The following ZNF148 variants were observed in gnomAD, a reference collection of about 807,000 sequenced individuals.
ZNF148 encodes the protein zinc finger protein 148, also known as Beta-Enolase Repressor Factor-1.
In ZNF148, 7 loss-of-function variants were observed where a neutral mutation model predicts 67.7. That is an observed-to-expected ratio of 0.10 (90% CI 0.06 to 0.19). The LOEUF (loss-of-function observed/expected upper bound fraction) is 0.19, where lower values mean the gene tolerates loss of function less well. Among genes scored for constraint, ZNF148 ranks in the 10% least tolerant of loss-of-function variants. The probability of loss-of-function intolerance (pLI) is 1.00; values close to 1 mark genes in which losing one functional copy is unlikely to be tolerated. For missense variants in ZNF148, 583 were observed against 947.1 expected (o/e 0.62, Z 5.05); for synonymous variants, 333 against 330.7 (o/e 1.01, Z -0.08).
chr3:125,307,693 G>A lies in ZNF148; in HGVS notation c.333+5615C>T, dbSNP rs1939960100. On this transcript the variant is annotated intron_variant, in intron 4 of 8. Coordinates refer to ENST00000360647, the MANE Select transcript of ZNF148 (RefSeq NM_021964.3). Reference sequence around the variant, plus strand: ...ACAGTCTCACTCTGTCACCCAGGCTGGAGTACAATGGTGTGATCTTGGCTC... The same window carrying A: ...ACAGTCTCACTCTGTCACCCAGGCTAGAGTACAATGGTGTGATCTTGGCTC... 2.6e-5 allele frequency among the ~76,000 whole-genome samples: 4 copies of A among 152,180 alleles called. No individual in the cohort carries two copies. In the Middle Eastern group the frequency reaches 0.014, roughly 518 times the overall value.
chr3:125,325,685 G>A (rs1271484549), intron 2 of ZNF148, among the ~76,000 whole-genome samples: 2 of 151,988 alleles, frequency 1.3e-5, no homozygotes, highest in Non-Finnish European at 2.9e-5. Flanking sequence ...AGCTGGTCTC[G>A]AACTCCTGAC....
chr3:125,364,844 G>T lies in ZNF148; in HGVS notation c.-234+10258C>A, dbSNP rs541417319. On this transcript the variant is annotated intron_variant, in intron 1 of 8. Transcript: ENST00000360647. The stretch of plus-strand genomic sequence containing the variant: ...AAAATCCAAGTTAGCCTGAATTTTT[G>T]AGATAGTCTGCCTACTTCCCAGCTT... Among the ~76,000 whole-genome samples, 8 of 152,192 alleles carry T rather than the reference G, an allele frequency of 5.3e-5. 1 individual carries two copies. In the South Asian group the frequency reaches 1.7e-3, roughly 32 times the overall value.
chr3:125,320,641 CA>C (rs1056332240), intron 3 of ZNF148, among the ~76,000 whole-genome samples: 2 of 152,126 alleles, frequency 1.3e-5, no homozygotes, highest in African/African-American at 4.8e-5. Flanking sequence ...GAGTAATTCC[CA>C]ACTTAAAATA....
At position 125,277,828 on chromosome 3, in the gene ZNF148, C is replaced by A; in HGVS notation, c.584-19G>T. The A allele has an allele frequency of 6.3e-7, 1 of 1,593,162 alleles. No homozygotes were observed. Among genetic ancestry groups the A allele is most frequent in the Middle Eastern group, 1.7e-4 (1 of 5,934 alleles). On this transcript the variant is annotated intron_variant, in intron 6 of 8. Transcript: ENST00000360647. ...TTTTCACCTTAAAATAATTTCACAT[C>A]CACAAATTAGTTACTGAATAAAACA...
At chr3:125,366,674 G>A (rs969650203) in intron 1 of ZNF148, among the ~76,000 whole-genome samples, 1 of 152,110 alleles carries the variant, frequency 6.6e-6, no homozygotes, top group South Asian at 2.1e-4. Context: ...ATAGAAGTGT[G>A]ACATGTATTT....
chr3:125,328,214 G>A (rs1468705245), intron 2 of ZNF148, among the ~76,000 whole-genome samples: 1 of 152,078 alleles, frequency 6.6e-6, no homozygotes, highest in Admixed American at 6.5e-5. Context: ...AACCTGGAGC[G>A]AAAAGTGAGC....
chr3:125,343,226 C>T (rs928355480), intron 1 of ZNF148, among the ~76,000 whole-genome samples: 1 of 152,096 alleles, frequency 6.6e-6, no homozygotes, highest in Non-Finnish European at 1.5e-5. Context: ...CTTTTCCTAC[C>T]ATTGACGTGT....
intron 7 of ZNF148, among the ~76,000 whole-genome samples, chr3:125,260,001 TG>T (rs2107569832): frequency 6.6e-6 from 1 of 152,090 alleles, no homozygotes; most frequent in Admixed American, 6.5e-5. Flanking sequence ...TCTCAGGAAA[TG>T]GGGTCACAGT....
chr3:125,260,598 T>C lies in ZNF148; in HGVS notation c.667+17128A>G, dbSNP rs578200128. ...ACAAAAATCTTATCAGTGTTTGTCA[T>C]GGGGTGTTGGTAGGAGAGGGGCTCA... On this transcript the variant is annotated intron_variant, in intron 7 of 8. Transcript: ENST00000360647. Among the ~76,000 whole-genome samples, 30 of 152,276 alleles carry C rather than the reference T, an allele frequency of 2.0e-4. 1 individual carries two copies. The South Asian group carries it at 5.0e-3, about 25-fold the overall frequency.
intron 4 of ZNF148, among the ~76,000 whole-genome samples, chr3:125,290,883 T>C (rs1938973397): frequency 6.6e-6 from 1 of 152,174 alleles, no homozygotes; most frequent in African/African-American, 2.4e-5. Flanking sequence ...GCATCAGGCT[T>C]TGGGGATGAA....
At chr3:125,341,998 GC>G (rs1330365885) in intron 1 of ZNF148, among the ~76,000 whole-genome samples, 340 of 18,038 alleles carry the variant, frequency 0.019, 5 homozygotes, top group Admixed American at 0.078. Context: ...CTGTTTCGGG[GC>G]GGGGGGGGGA....
At chr3:125,317,390 C>T (rs1940551780) in intron 3 of ZNF148, among the ~76,000 whole-genome samples, 1 of 151,926 alleles carries the variant, frequency 6.6e-6, no homozygotes, top group Non-Finnish European at 1.5e-5. Context: ...CAGTATACAA[C>T]CTTATGGGTT....
chr3:125,374,281 C>G (rs1021044539), intron 1 of ZNF148, among the ~76,000 whole-genome samples: 1 of 152,182 alleles, frequency 6.6e-6, no homozygotes, highest in Non-Finnish European at 1.5e-5. Context: ...CATCCCGGCC[C>G]ATCTGGAATA....
intron 5 of ZNF148, among the ~76,000 whole-genome samples, chr3:125,285,736 A>C (rs1173578752): frequency 1.3e-5 from 2 of 152,012 alleles, no homozygotes; most frequent in East Asian, 1.9e-4. Flanking sequence ...TATTGTTTCT[A>C]GTCACTTCAT....
At chr3:125,317,834 T>C (rs547513771) in intron 3 of ZNF148, among the ~76,000 whole-genome samples, 6 of 151,932 alleles carry the variant, frequency 3.9e-5, no homozygotes, top group African/African-American at 1.4e-4. Flanking sequence ...CAACATCTTT[T>C]CTTTCTTTAA....
At chr3:125,325,288 A>C (rs1045301071) in intron 2 of ZNF148, among the ~76,000 whole-genome samples, 26 of 152,300 alleles carry the variant, frequency 1.7e-4, no homozygotes, top group African/African-American at 5.8e-4. Flanking sequence ...CCTTTAAGAT[A>C]CATCAATAGA....
chr3:125,317,662 T>TAGAGAGGGAGAGAGAGAGAG, intron 3 of ZNF148, among the ~76,000 whole-genome samples: 2 of 90,052 alleles, frequency 2.2e-5, no homozygotes, highest in South Asian at 7.7e-4. Flanking sequence ...TATATATATA[T>TAGAGAGGGAGAGAGAGAGAG]AGAGAGAGAG....
At chr3:125,256,156 G>A (rs1937064988) in intron 7 of ZNF148, among the ~76,000 whole-genome samples, 1 of 151,826 alleles carries the variant, frequency 6.6e-6, no homozygotes, top group Non-Finnish European at 1.5e-5. Flanking sequence ...GAGGTCAGGA[G>A]ATCGAGCCCA....
intron 7 of ZNF148, among the ~76,000 whole-genome samples, chr3:125,237,290 G>C (rs1419861401): frequency 2.0e-5 from 3 of 152,156 alleles, no homozygotes; most frequent in Non-Finnish European, 2.9e-5. Context: ...TTTTGAAATA[G>C]AGCTGGTAAA....
Sources: allele counts gnomAD v4.1 joint callset (sites outside exome capture counted in the v4.1 genomes callset), GRCh38; gene constraint gnomAD v4.1.1; transcripts MANE v1.5; gene names NCBI Gene and HGNC (gene_info 2026-07-23, HGNC 2026-07-21).